NOLC1: variants seen among roughly 807,000 people sequenced by gnomAD.
NOLC1 encodes the protein nucleolar and coiled-body phosphoprotein 1.
NOLC1 carries 37 observed loss-of-function variants against 73.4 expected under a neutral mutation model. The observed-to-expected ratio is 0.50, with a 90% CI of 0.39 to 0.66. The LOEUF is 0.66. NOLC1 is among the 30% of genes least tolerant of loss of function. The probability of loss-of-function intolerance (pLI) is 0.00; values close to 1 mark genes in which losing one functional copy is unlikely to be tolerated. For synonymous variants in NOLC1, 327 were observed against 302.6 expected (o/e 1.08, Z -0.84); for missense variants, 921 against 838.9 (o/e 1.10, Z -1.21).
rs1332576408 is a variant in NOLC1 at position 102,161,912 on chromosome 10, CCTT to C, written c.1929_1931del (p.Phe644del). The stretch of plus-strand genomic sequence containing the variant: ...GTGGATTCACGAGTTGCGGACAACT[CCTT>C]TGATGCCAAGGTGAGAGAGAGATCT... On this transcript the variant is annotated inframe_deletion, in exon 12 of 13. Transcript: ENST00000605788. The C allele has an allele frequency of 6.2e-7, 1 of 1,614,032 alleles. No homozygotes were observed. The highest frequency in any genetic ancestry group is 1.7e-4 in the Middle Eastern group (1 of 6,060).
intron 4 of NOLC1, 97 bp from the exon 5 acceptor site, chr10:102,157,952 C>A: frequency 9.1e-7 from 1 of 1,104,744 alleles, no homozygotes; most frequent in East Asian, 2.4e-5. Flanking sequence ...TTTGCTCTTA[C>A]TGCTCCATTA....
chr10:102,159,607 C>A, intron 7 of NOLC1, 39 bp downstream of exon 7: 1 of 1,597,924 alleles, frequency 6.3e-7, no homozygotes, highest in South Asian at 1.1e-5. Flanking sequence ...TGACTGTGGT[C>A]AGGGCCCAGC....
At position 102,162,552 on chromosome 10, in the gene NOLC1, C is replaced by T; in HGVS notation, c.*283C>T. 4.0e-6 allele frequency: 1 copy of T among 248,498 alleles called. No individual in the cohort carries two copies. 15.4% of individuals were successfully genotyped at this position (248,498 alleles called of 1,614,324 possible). A position where few individuals can be genotyped will look rare whatever the true frequency, so the allele number is the denominator to read the frequency against. On this transcript the variant is annotated 3_prime_UTR_variant, in exon 13 of 13. Coordinates refer to ENST00000605788, the MANE Select transcript of NOLC1 (RefSeq NM_004741.5). ...TGTCTCCTTCCTTTTCTGTGAAAGT[C>T]CTCATACTGAGAAATTTGTATATTT...
rs2069678528 is a variant in NOLC1 at position 102,160,313 on chromosome 10, A to G, written c.1069A>G (p.Lys357Glu). 6.2e-7 allele frequency: 1 copy of G among 1,614,220 alleles called. No individual in the cohort carries two copies. The highest frequency in any genetic ancestry group is 8.5e-7 in the Non-Finnish European group (1 of 1,180,028). Residue 357 changes from lysine (K) to glutamate (E), a missense_variant, in exon 9 of 13, where the codon AAA becomes GAA. Coordinates refer to ENST00000605788, the MANE Select transcript of NOLC1 (RefSeq NM_004741.5). ...AACCACTAAACCACCTCCAGCAAAG[A>G]AAGCAGCAGAGAGCTCTTCAGACAG... ...KATTKPPPAK[K>E]AAESSSDSSD...
rs764132389 is a variant in NOLC1 at position 102,158,158 on chromosome 10, A to C, written c.551A>C (p.Lys184Thr). 6.2e-7 allele frequency: 1 copy of C among 1,614,194 alleles called. No individual in the cohort carries two copies. The highest frequency in any genetic ancestry group is 8.5e-7 in the Non-Finnish European group (1 of 1,180,016). ...SSEDEPPKNQKPKITPVTVKA... is the reference protein window; with the variant it reads ...SSEDEPPKNQTPKITPVTVKA... The stretch of plus-strand genomic sequence containing the variant: ...GAGGATGAGCCACCAAAGAACCAGA[A>C]GCCAAAGATAACACCTGTGACAGTT... The change falls in exon 5 of 13, where the codon AAG (lysine) becomes ACG (threonine). Residue 184 changes from lysine to threonine, a missense_variant. Physicochemically the swap from Lys to Thr is moderately conservative, Grantham distance 78. Coordinates refer to ENST00000605788, the MANE Select transcript of NOLC1 (RefSeq NM_004741.5).
Position 102,159,233 on chromosome 10 carries a change from TAGCAGCAGTAGC to T in NOLC1, c.657_668del (p.Ser224_Ser227del), listed in dbSNP as rs746559763. 37 of 1,613,302 alleles carry T rather than the reference TAGCAGCAGTAGC, an allele frequency of 2.3e-5. No individual in the cohort carries two copies. In the East Asian group the frequency reaches 2.9e-4, roughly 13 times the overall value. On this transcript the variant is annotated inframe_deletion, in exon 6 of 13. Transcript: ENST00000605788. ...AAATAGCCAATGGTAAAGCAGCCAG[TAGCAGCAGTAGC>T]AGCAGCAGCAGCAGTAGCAGTGATG... is the stretch of plus-strand genomic sequence containing the variant.
In NOLC1 at chr10:102,157,119, AG is replaced by A; in HGVS notation, c.176+47del. On this transcript the variant is annotated intron_variant, in intron 2 of 12. Transcript: ENST00000605788. ...TTTTGGCTATTTTCTCCCCCAAGAT[AG>A]GCTGGGCTGTGTTTCTTGGTTTGGG... The A allele has an allele frequency of 2.5e-6, 4 of 1,614,016 alleles. No individual in the cohort carries two copies. The South Asian group carries it at 4.4e-5, about 18-fold the overall frequency.
chr10:102,161,130 C>A (rs755090684), intron 10 of NOLC1, 37 bp downstream of exon 10: 2 of 1,553,990 alleles, frequency 1.3e-6, no homozygotes, highest in South Asian at 1.2e-5. Context: ...GGGTTTTGTC[C>A]CCCCAAATCA....
chr10:102,159,264 A>T lies in NOLC1; in HGVS notation c.679A>T (p.Ser227Cys). The T allele has an allele frequency of 6.2e-7, 1 of 1,614,120 alleles. No individual in the cohort carries two copies. The highest frequency in any genetic ancestry group is 8.5e-7 in the Non-Finnish European group (1 of 1,180,020). The change falls in exon 6 of 13, where the codon AGT becomes TGT. Residue 227 changes from serine to cysteine, a missense_variant. Coordinates refer to ENST00000605788, the MANE Select transcript of NOLC1 (RefSeq NM_004741.5). The part of the protein sequence containing the change: ...SSSSSSSSSS[S>C]DDSEEEKAAA... Reference sequence around the variant, plus strand: ...CAGTAGCAGCAGCAGCAGCAGTAGCAGTGATGACTCAGAGGAGGAGAAGGC... The same window carrying T: ...CAGTAGCAGCAGCAGCAGCAGTAGCTGTGATGACTCAGAGGAGGAGAAGGC...
At position 102,158,181 on chromosome 10, in the gene NOLC1, G is replaced by C; in HGVS notation, c.574G>C (p.Val192Leu). The C allele has an allele frequency of 6.2e-7, 1 of 1,614,152 alleles. No individual in the cohort carries two copies. The highest frequency in any genetic ancestry group is 8.5e-7 in the Non-Finnish European group (1 of 1,180,002). Residue 192 changes from valine to leucine, a missense_variant, in exon 5 of 13, where the codon GTT (valine) becomes CTT (leucine). Physicochemically the swap from Val to Leu is conservative, Grantham distance 32 (BLOSUM62 1). Coordinates refer to ENST00000605788, the MANE Select transcript of NOLC1 (RefSeq NM_004741.5). ...GAAGCCAAAGATAACACCTGTGACA[G>C]TTAAAGCTCAGACTAAAGCCCCTCC... The part of the protein sequence containing the change: ...NQKPKITPVT[V>L]KAQTKAPPKP...
Position 102,157,563 on chromosome 10 carries a change from G to T in NOLC1, c.441+8G>T, listed in dbSNP as rs770275697. On this transcript the variant is annotated splice_region_variant and intron_variant, in intron 4 of 12. Coordinates refer to ENST00000605788, the MANE Select transcript of NOLC1 (RefSeq NM_004741.5). ...AAGAAACAGCCTGTCCAGGTTTGCA[G>T]CTTTGGGAAGAAAAAGGGGTTTAAG... is the stretch of plus-strand genomic sequence containing the variant. 11 of 1,611,992 alleles carry T rather than the reference G, an allele frequency of 6.8e-6. 1 individual carries two copies. The highest frequency in any genetic ancestry group is 1.6e-4 in the Middle Eastern group (1 of 6,078).
chr10:102,155,565 A>G (rs1301436054), intron 1 of NOLC1, among the ~76,000 whole-genome samples: 3 of 150,852 alleles, frequency 2.0e-5, no homozygotes, highest in African/African-American at 7.3e-5. Flanking sequence ...CTGGAGTACA[A>G]TGGTGTGATA....
rs889431107 is a variant in NOLC1 at position 102,153,434 on chromosome 10, A to AG, written c.120+911dup. 2.4e-4 allele frequency among the ~76,000 whole-genome samples: 37 copies of AG among 152,232 alleles called. No homozygotes were observed. The East Asian group carries it at 5.0e-3, about 21-fold the overall frequency. On this transcript the variant is annotated intron_variant, in intron 1 of 12. Transcript: ENST00000605788. ...GGGAAGACACTTTGAGAGAGGAGAGAGGGGGGGTCTTCAGCAGGGATGATA... is the reference window on the plus strand; with the variant it reads ...GGGAAGACACTTTGAGAGAGGAGAGAGGGGGGGGTCTTCAGCAGGGATGATA...
At chr10:102,153,526 G>A (rs2069541088) in intron 1 of NOLC1, among the ~76,000 whole-genome samples, 1 of 152,206 alleles carries the variant, frequency 6.6e-6, no homozygotes, top group Non-Finnish European at 1.5e-5. Flanking sequence ...AATCAGATCA[G>A]CCTCAAAACT....
intron 1 of NOLC1, among the ~76,000 whole-genome samples, chr10:102,154,215 G>A (rs577236385): frequency 6.6e-6 from 1 of 150,400 alleles, no homozygotes; most frequent in Non-Finnish European, 1.5e-5. Context: ...GGGACTACAG[G>A]TGTGCCCCAC....
At position 102,156,736 on chromosome 10, in the gene NOLC1, TTTTTG is replaced by T. The variant is rs1431101503; in HGVS notation, c.121-268_121-264del. Among the ~76,000 whole-genome samples the T allele has an allele frequency of 5.3e-5, 8 of 152,118 alleles. No homozygotes were observed. The East Asian group carries it at 1.2e-3, about 22-fold the overall frequency. ...GCATGAGCCACCGTGACTGGCTGAT[TTTTTG>T]TTTTGTTTTGTTTTAGGACTTTGAT... On this transcript the variant is annotated intron_variant, in intron 1 of 12. Transcript: ENST00000605788.
Position 102,157,334 on chromosome 10 carries a change from G to A in NOLC1, c.316+6G>A. ...GCCTCCAGCAAAGAAGGCTGGTAAG[G>A]CAGAGTAGCAGGTGGGCTTGGTGGT... On this transcript the variant is annotated splice_donor_region_variant and intron_variant, in intron 3 of 12. Transcript: ENST00000605788. 6.2e-7 allele frequency: 1 copy of A among 1,613,814 alleles called. No homozygotes were observed. Among genetic ancestry groups the A allele is most frequent in the Middle Eastern group, 1.7e-4 (1 of 6,060 alleles).
chr10:102,159,353 A>G (rs1564970192), intron 6 of NOLC1, 45 bp downstream of exon 6: 2 of 1,613,600 alleles, frequency 1.2e-6, no homozygotes, highest in Non-Finnish European at 1.7e-6. Context: ...CCAGGGTGTG[A>G]TGTGTGTGTG....
At chr10:102,161,461 G>A in intron 10 of NOLC1, 95 bp from the exon 11 acceptor site, 1 of 855,110 alleles carries the variant, frequency 1.2e-6, no homozygotes, top group Non-Finnish European at 1.9e-6. Context: ...GAATTTCCTG[G>A]GCTCAAGCGA....
Sources: allele counts gnomAD v4.1 joint callset (sites outside exome capture counted in the v4.1 genomes callset), GRCh38; gene constraint gnomAD v4.1.1; transcripts MANE v1.5; gene names NCBI Gene and HGNC (gene_info 2026-07-23, HGNC 2026-07-21).